The following MYO1E variants were observed in gnomAD, a reference collection of about 807,000 sequenced individuals.
MYO1E encodes the protein unconventional myosin-Ie.
MYO1E carries 68 observed loss-of-function variants against 151.1 expected under a neutral mutation model. The ratio of observed to expected loss-of-function variants is 0.45; its 90% CI spans 0.37 to 0.55. The LOEUF (loss-of-function observed/expected upper bound fraction) is 0.55, where lower values mean the gene tolerates loss of function less well. Among genes scored for constraint, MYO1E ranks in the 20% least tolerant of loss-of-function variants. The pLI is 0.00. For synonymous variants in MYO1E, 601 were observed against 501.7 expected (o/e 1.20, Z -2.64); for missense variants, 1,363 against 1,389.3 (o/e 0.98, Z 0.30).
intron 1 of MYO1E, among the ~76,000 whole-genome samples, chr15:59,341,107 T>C (rs2080762825): frequency 6.6e-6 from 1 of 151,820 alleles, no homozygotes; most frequent in Non-Finnish European, 1.5e-5. Flanking sequence ...TGGGCATATA[T>C]AAGTAGGTGT....
intron 1 of MYO1E, among the ~76,000 whole-genome samples, chr15:59,356,160 G>A (rs2080851521): frequency 6.6e-6 from 1 of 152,218 alleles, no homozygotes; most frequent in Admixed American, 6.5e-5. Flanking sequence ...TATAGCTGCT[G>A]CTGAGTGAAG....
chr15:59,324,949 GAAA>G (rs11306933), intron 1 of MYO1E, among the ~76,000 whole-genome samples: 2 of 134,020 alleles, frequency 1.5e-5, no homozygotes, highest in Non-Finnish European at 1.6e-5. Context: ...AGGCTTTTTA[GAAA>G]AAAAAAAAAA....
At chr15:59,310,290 A>T (rs774716031) in intron 1 of MYO1E, among the ~76,000 whole-genome samples, 1 of 152,224 alleles carries the variant, frequency 6.6e-6, no homozygotes, top group Non-Finnish European at 1.5e-5. Flanking sequence ...TGTGGGTTGC[A>T]CTGTGTTGCC....
intron 18 of MYO1E, 91 bp from the exon 19 acceptor site, chr15:59,178,628 G>A: frequency 6.6e-7 from 1 of 1,504,412 alleles, no homozygotes; most frequent in East Asian, 2.3e-5. Context: ...CTGCTCTGAA[G>A]GTGCCCAGTG....
At chr15:59,306,688 A>G (rs1334063413) in intron 1 of MYO1E, among the ~76,000 whole-genome samples, 1 of 152,244 alleles carries the variant, frequency 6.6e-6, no homozygotes, top group Non-Finnish European at 1.5e-5. Flanking sequence ...TTGATTCATC[A>G]TATCCCTTAG....
At chr15:59,153,209 C>T (rs2079491683) in intron 26 of MYO1E, among the ~76,000 whole-genome samples, 1 of 152,196 alleles carries the variant, frequency 6.6e-6, no homozygotes, top group Non-Finnish European at 1.5e-5. Flanking sequence ...CTTAATGTTG[C>T]TGAAGACTCT....
chr15:59,271,557 T>C (rs1463095349), intron 2 of MYO1E, among the ~76,000 whole-genome samples: 4 of 152,232 alleles, frequency 2.6e-5, no homozygotes, highest in African/African-American at 9.6e-5. Flanking sequence ...CAGTTCCCTG[T>C]TGATAATGAA....
intron 1 of MYO1E, among the ~76,000 whole-genome samples, chr15:59,290,639 G>A (rs1368364517): frequency 6.6e-6 from 1 of 152,188 alleles, no homozygotes; most frequent in African/African-American, 2.4e-5. Flanking sequence ...TGACAACGGT[G>A]CCTCAGCACA....
At chr15:59,162,381 A>C (rs144723758) in intron 23 of MYO1E, among the ~76,000 whole-genome samples, 1 of 152,292 alleles carries the variant, frequency 6.6e-6, no homozygotes, top group African/African-American at 2.4e-5. Flanking sequence ...TGGTGGCTCA[A>C]GCCTGTGATC....
intron 4 of MYO1E, among the ~76,000 whole-genome samples, chr15:59,244,275 G>C (rs1243206490): frequency 1.3e-5 from 2 of 152,254 alleles, no homozygotes; most frequent in Admixed American, 6.5e-5. Context: ...GCCTGATGCA[G>C]TCAGAGGAAC....
At position 59,166,243 on chromosome 15, in the gene MYO1E, A is replaced by G. The variant is rs117736699; in HGVS notation, c.2481-2940T>C. On this transcript the variant is annotated intron_variant, in intron 22 of 27. Coordinates refer to ENST00000288235, the MANE Select transcript of MYO1E (RefSeq NM_004998.4). ...CAGCTCATTCTGCTCTCCTTAGCCC[A>G]CGCTCCTGAACCTGAAAACAAAGCT... is the stretch of plus-strand genomic sequence containing the variant. Among the ~76,000 whole-genome samples, 1,291 of 152,292 alleles carry G rather than the reference A, an allele frequency of 8.5e-3. 12 individuals carry two copies. The highest frequency in any genetic ancestry group is 0.014 in the Non-Finnish European group (936 of 68,012).
intron 26 of MYO1E, among the ~76,000 whole-genome samples, chr15:59,143,525 G>T (rs1249733265): frequency 1.3e-5 from 2 of 152,020 alleles, no homozygotes; most frequent in East Asian, 3.9e-4. Context: ...TGGCCAGCCT[G>T]CACATGTCTA....
chr15:59,319,212 G>A (rs1244973116), intron 1 of MYO1E, among the ~76,000 whole-genome samples: 1 of 152,160 alleles, frequency 6.6e-6, no homozygotes, highest in African/African-American at 2.4e-5. Flanking sequence ...TTGGGAGGCT[G>A]AGGCAGGAGA....
At chr15:59,291,711 A>AAAAAG (rs1555417406) in intron 1 of MYO1E, among the ~76,000 whole-genome samples, 11 of 67,010 alleles carry the variant, frequency 1.6e-4, no homozygotes, top group African/African-American at 5.9e-4. Flanking sequence ...AAAAAAAAAA[A>AAAAAG]AGAGAGAGAG....
intron 19 of MYO1E, among the ~76,000 whole-genome samples, chr15:59,176,008 C>T (rs2079622543): frequency 1.3e-5 from 2 of 152,150 alleles, no homozygotes; most frequent in Non-Finnish European, 2.9e-5. Flanking sequence ...GACATGGATA[C>T]ATTTAACAAA....
chr15:59,208,221 A>C, intron 14 of MYO1E: 1 of 785,946 alleles, frequency 1.3e-6, no homozygotes, highest in Non-Finnish European at 2.0e-6. Flanking sequence ...CTATTTATTT[A>C]GTCCTCCAGC....
intron 1 of MYO1E, among the ~76,000 whole-genome samples, chr15:59,282,623 A>G (rs1443453483): frequency 6.6e-6 from 1 of 151,124 alleles, no homozygotes; most frequent in African/African-American, 2.4e-5. Flanking sequence ...AGGAGGGAGG[A>G]CTGCTTGAGC....
intron 1 of MYO1E, among the ~76,000 whole-genome samples, chr15:59,357,930 A>C (rs1306917019): frequency 6.6e-6 from 1 of 152,178 alleles, no homozygotes; most frequent in African/African-American, 2.4e-5. Context: ...CAGCTGATAT[A>C]GGTGAGTGTA....
intron 17 of MYO1E, among the ~76,000 whole-genome samples, chr15:59,192,314 G>GAA (rs1471404389): frequency 6.7e-6 from 1 of 148,856 alleles, no homozygotes; most frequent in Non-Finnish European, 1.5e-5. Context: ...AAAAAAAAAA[G>GAA]AAAAGAGAAA....
Sources: allele counts gnomAD v4.1 joint callset (sites outside exome capture counted in the v4.1 genomes callset), GRCh38; gene constraint gnomAD v4.1.1; transcripts MANE v1.5; gene names NCBI Gene and HGNC (gene_info 2026-07-23, HGNC 2026-07-21).